EIF3E: variants seen among roughly 807,000 people sequenced by gnomAD.
EIF3E encodes the protein eIF-3 p48.
A neutral mutation model predicts 59.3 loss-of-function variants in EIF3E; 25 were observed. The observed-to-expected ratio is 0.42, with a 90% CI of 0.31 to 0.59. EIF3E has a LOEUF of 0.59. EIF3E is among the 20% of genes least tolerant of loss of function. The pLI, the probability that EIF3E is intolerant of heterozygous loss-of-function variation, is 0.15. For synonymous variants in EIF3E, 176 were observed against 170.2 expected, an observed-to-expected ratio of 1.03 and a Z score of -0.26; for missense variants, 317 against 534.3, an observed-to-expected ratio of 0.59 and a Z score of 4.01.
At chr8:108,242,698 A>G in intron 1 of EIF3E, 1 of 1,110,242 alleles carries the variant, frequency 9.0e-7, no homozygotes, top group Non-Finnish European at 1.1e-6. Flanking sequence ...GAACTCCTAT[A>G]AATGAGTAAG....
intron 5 of EIF3E, among the ~76,000 whole-genome samples, chr8:108,233,097 T>C (rs1327622558): frequency 2.0e-5 from 3 of 152,116 alleles, no homozygotes; most frequent in Non-Finnish European, 4.4e-5. Context: ...ATGGAATTTT[T>C]TGATAAGTTA....
At chr8:108,246,740 A>T (rs1815957185) in intron 1 of EIF3E, among the ~76,000 whole-genome samples, 1 of 152,130 alleles carries the variant, frequency 6.6e-6, no homozygotes, top group South Asian at 2.1e-4. Flanking sequence ...CCTCCTCCTC[A>T]GCCTACTCAA....
At position 108,234,960 on chromosome 8, in the gene EIF3E, CAAAAAAA is replaced by C. The variant is rs3075616; in HGVS notation, c.471+31_471+37del. 2.3e-4 allele frequency: 197 copies of C among 873,458 alleles called. 1 individual carries two copies. The highest frequency in any genetic ancestry group is 6.4e-4 in the South Asian group (29 of 45,482). 54.1% of individuals were successfully genotyped at this position (873,458 alleles called of 1,614,324 possible). Reference sequence around the variant, plus strand: ...AGAACCAAGGGAATCCTACAAAAGACAAAAAAAAAAAAAAAAAAAACATGTACTTATA... The same window carrying C: ...AGAACCAAGGGAATCCTACAAAAGACAAAAAAAAAAAAACATGTACTTATA... On this transcript the variant is annotated intron_variant, in intron 5 of 12. Coordinates refer to ENST00000220849, the MANE Select transcript of EIF3E (RefSeq NM_001568.3).
intron 9 of EIF3E, 126 bp downstream of exon 9, chr8:108,216,286 T>C: frequency 2.8e-6 from 2 of 711,436 alleles, no homozygotes; most frequent in Non-Finnish European, 4.5e-6. Flanking sequence ...TAGGCCTTTT[T>C]AAGATTAATA....
At chr8:108,213,624 T>A (rs1160577633) in intron 10 of EIF3E, among the ~76,000 whole-genome samples, 1 of 152,216 alleles carries the variant, frequency 6.6e-6, no homozygotes, top group East Asian at 1.9e-4. Flanking sequence ...AGAATTCAGT[T>A]ACTACTATCC....
chr8:108,242,048 C>A, intron 1 of EIF3E, 135 bp from the exon 2 acceptor site: 1 of 1,263,218 alleles, frequency 7.9e-7, no homozygotes, highest in Non-Finnish European at 1.1e-6. Context: ...ACATTCCCCT[C>A]TTGTAATAAT....
intron 7 of EIF3E, among the ~76,000 whole-genome samples, chr8:108,223,555 T>G (rs569339668): frequency 4.6e-5 from 7 of 152,324 alleles, no homozygotes; most frequent in African/African-American, 1.7e-4. Flanking sequence ...TTATTTTTAT[T>G]GAGAAAACAA....
At chr8:108,224,292 T>G (rs1317634065) in intron 7 of EIF3E, among the ~76,000 whole-genome samples, 5 of 151,546 alleles carry the variant, frequency 3.3e-5, no homozygotes. Context: ...CCATTGAACA[T>G]GCAATCAACC....
intron 10 of EIF3E, among the ~76,000 whole-genome samples, chr8:108,204,252 A>T (rs1333026854): frequency 6.6e-6 from 1 of 152,112 alleles, no homozygotes; most frequent in Non-Finnish European, 1.5e-5. Context: ...ACACTTGTAC[A>T]GATATATTTA....
chr8:108,215,078 A>T (rs114984851), intron 9 of EIF3E, among the ~76,000 whole-genome samples: 2,994 of 152,310 alleles, frequency 0.02, 100 homozygotes, highest in African/African-American at 0.066. Context: ...TATTAAGTAG[A>T]CTTAGAAATT....
At chr8:108,245,723 TAAA>T (rs1554601308) in intron 1 of EIF3E, among the ~76,000 whole-genome samples, 1 of 152,096 alleles carries the variant, frequency 6.6e-6, no homozygotes, top group Non-Finnish European at 1.5e-5. Context: ...CACATGAAAA[TAAA>T]GAAGAGTGAG....
chr8:108,246,765 A>G (rs932309475), intron 1 of EIF3E, among the ~76,000 whole-genome samples: 1 of 152,150 alleles, frequency 6.6e-6, no homozygotes, highest in Non-Finnish European at 1.5e-5. Context: ...AAGACAATGA[A>G]GACCTTCATG....
At position 108,201,252 on chromosome 8, in the gene EIF3E, T is replaced by C. The variant is rs1476788428; in HGVS notation, c.*633A>G. 7.1e-6 allele frequency: 1 copy of C among 141,300 alleles called. No homozygotes were observed. The highest frequency in any genetic ancestry group is 1.5e-5 in the Non-Finnish European group (1 of 66,464). The allele number at this position is 141,300 out of a possible 1,614,324, so 8.8% of individuals were successfully genotyped here. On this transcript the variant is annotated 3_prime_UTR_variant, in exon 13 of 13. Transcript: ENST00000220849. ...TAAAAAAGGAATTAACTACTGATCA[T>C]ATATATATATATATCTATCTCTCAA...
chr8:108,214,958 A>C (rs1475764923), intron 9 of EIF3E, among the ~76,000 whole-genome samples: 1 of 152,248 alleles, frequency 6.6e-6, no homozygotes, highest in Non-Finnish European at 1.5e-5. Context: ...TTCTGACAAC[A>C]AAGTTTGGTA....
chr8:108,228,434 A>T (rs1815558982), intron 6 of EIF3E, 43 bp from the exon 7 acceptor site: 1 of 1,359,802 alleles, frequency 7.4e-7, no homozygotes, highest in African/African-American at 1.5e-5. Context: ...ATTAATATAT[A>T]AGAAAGAGGC....
intron 9 of EIF3E, 111 bp downstream of exon 9, chr8:108,216,301 T>C: frequency 1.3e-6 from 1 of 793,736 alleles, no homozygotes; most frequent in Non-Finnish European, 2.0e-6. Context: ...TTAATAAGCA[T>C]ATTTCCGTTA....
At chr8:108,215,498 G>T (rs779532414) in intron 9 of EIF3E, among the ~76,000 whole-genome samples, 7 of 151,986 alleles carry the variant, frequency 4.6e-5, no homozygotes, top group South Asian at 2.1e-4. Flanking sequence ...GGCGCCTATG[G>T]TCCCAGCTAC....
chr8:108,202,366 C>T (rs1815010983), intron 12 of EIF3E, among the ~76,000 whole-genome samples: 1 of 152,020 alleles, frequency 6.6e-6, no homozygotes, highest in Non-Finnish European at 1.5e-5. Flanking sequence ...GGGGTCTCTG[C>T]ATATCCCACA....
chr8:108,205,768 T>C (rs1423454952), intron 10 of EIF3E, among the ~76,000 whole-genome samples: 1 of 116,954 alleles, frequency 8.6e-6, no homozygotes, highest in Non-Finnish European at 1.8e-5. Context: ...ACAGAGCTTA[T>C]GTTCAAGGAA....
Sources: allele counts gnomAD v4.1 joint callset (sites outside exome capture counted in the v4.1 genomes callset), GRCh38; gene constraint gnomAD v4.1.1; transcripts MANE v1.5; gene names NCBI Gene and HGNC (gene_info 2026-07-23, HGNC 2026-07-21).